The following KIF1A variants were observed in gnomAD, a reference collection of about 807,000 sequenced individuals.
KIF1A encodes the protein kinesin family member 1A.
In KIF1A, 46 loss-of-function variants were observed where a neutral mutation model predicts 227.3. That is an observed-to-expected ratio of 0.20 (90% CI 0.16 to 0.26). The LOEUF is 0.26. Ranked by LOEUF, KIF1A falls within the 10% of genes least tolerant of loss-of-function variation. The probability of loss-of-function intolerance (pLI) is 1.00; values close to 1 mark genes in which losing one functional copy is unlikely to be tolerated. For synonymous variants in KIF1A, 1,022 were observed against 1,012.8 expected (o/e 1.01, Z -0.17); for missense variants, 1,683 against 2,485.9 (o/e 0.68, Z 6.87).
chr2:240,783,237 G>T (rs921971761), intron 8 of KIF1A, 128 bp from the exon 9 acceptor site: 5 of 771,816 alleles, frequency 6.5e-6, no homozygotes, highest in South Asian at 4.3e-5. Flanking sequence ...TGATCTCTGG[G>T]GCCACTTGGG....
At position 240,760,670 on chromosome 2, in the gene KIF1A, C is replaced by A; in HGVS notation, c.2439G>T (p.Lys813Asn). The A allele has an allele frequency of 2.0e-6, 3 of 1,517,858 alleles. No individual in the cohort carries two copies. Among genetic ancestry groups the A allele is most frequent in the South Asian group, 2.6e-5 (2 of 76,124 alleles). The allele number at this position is 1,517,858 out of a possible 1,614,324, so 94.0% of individuals were successfully genotyped here. ...NGATHYWTLE[K>N]LRQRLDLMRE... ...CAGCGGCCCTCCAGCCCCACCTGAG[C>A]TTCTCCAGCGTCCAGTAGTGGGTGG... Residue 813 changes from lysine (K) to asparagine (N), a missense_variant, in exon 25 of 49, where the codon AAG (lysine) becomes AAT (asparagine). By Grantham distance (94) the Lys-to-Asn change is moderately conservative (BLOSUM62 0). Transcript: ENST00000498729.
Position 240,791,554 on chromosome 2 carries a change from G to T in KIF1A, c.107-2242C>A, listed in dbSNP as rs181274661. On this transcript the variant is annotated intron_variant, in intron 2 of 48. Coordinates refer to ENST00000498729, the MANE Select transcript of KIF1A (RefSeq NM_001244008.2). ...CCTCGCCTCACCCCGCTGCACTCAG[G>T]TCGGGCTCCCCGCACAGGCCTGGCC... Among the ~76,000 whole-genome samples, 52 of 149,108 alleles carry T rather than the reference G, an allele frequency of 3.5e-4. No individual in the cohort carries two copies. In the South Asian group the frequency reaches 6.4e-3, roughly 18 times the overall value.
intron 20 of KIF1A, 26 bp downstream of exon 20, chr2:240,765,684 C>T: frequency 1.3e-6 from 2 of 1,587,218 alleles, no homozygotes; most frequent in Non-Finnish European, 1.7e-6. Context: ...GCCTACCTGA[C>T]TGGCCCCCGG....
Position 240,752,919 on chromosome 2 carries a change from G to A in KIF1A, c.2859-2372C>T, listed in dbSNP as rs2049396401. 6.6e-6 allele frequency among the ~76,000 whole-genome samples: 1 copy of A among 152,186 alleles called. No individual in the cohort carries two copies. Among genetic ancestry groups the A allele is most frequent in the African/African-American group, 2.4e-5 (1 of 41,444 alleles). Reference sequence around the variant, plus strand: ...AATCCATTGGCGCAGCTCACAGGAAGGAGAGGCTAGAGCTGTCCAGGGCCA... The same window carrying A: ...AATCCATTGGCGCAGCTCACAGGAAAGAGAGGCTAGAGCTGTCCAGGGCCA... On this transcript the variant is annotated intron_variant, in intron 27 of 48. Transcript: ENST00000498729. The surrounding 1 kb of genome is among the most constrained non-coding windows in gnomAD (Gnocchi z 6.4).
Position 240,714,739 on chromosome 2 carries a change from G to A in KIF1A, c.*2625C>T, listed in dbSNP as rs1034747622. 6.6e-6 allele frequency: 1 copy of A among 152,160 alleles called. No individual in the cohort carries two copies. Among genetic ancestry groups the A allele is most frequent in the South Asian group, 2.1e-4 (1 of 4,824 alleles). 9.4% of individuals were successfully genotyped at this position (152,160 alleles called of 1,614,324 possible). A position where few individuals can be genotyped will look rare whatever the true frequency, so the allele number is the denominator to read the frequency against. ...AGAAGCCAGGTGTCCTGACTCAGGC[G>A]GCCTCCTCTCACCATCAACTCTGAG... On this transcript the variant is annotated 3_prime_UTR_variant, in exon 49 of 49. Transcript: ENST00000498729.
Position 240,719,138 on chromosome 2 carries a change from G to A in KIF1A, c.5082C>T (p.Ala1694=). The part of the protein sequence containing the change: ...HFLEPHTSGW[A]RRFVVVRRPY... ...GGCGCCGCACCACCACGAAGCGCCT[G>A]GCCCAGCCTGACGTGTGCGGCTCCA... Residue 1694 remains alanine (A), a synonymous_variant, in exon 47 of 49, where the codon GCC becomes GCT. Transcript: ENST00000498729. The A allele has an allele frequency of 6.2e-7, 1 of 1,612,518 alleles. No individual in the cohort carries two copies. Among genetic ancestry groups the A allele is most frequent in the Non-Finnish European group, 8.5e-7 (1 of 1,179,698 alleles).
At position 240,758,630 on chromosome 2, in the gene KIF1A, C is replaced by T. The variant is rs1204450120; in HGVS notation, c.2445-133G>A. 1.6e-5 allele frequency: 15 copies of T among 923,514 alleles called. No individual in the cohort carries two copies. Among genetic ancestry groups the T allele is most frequent in the Non-Finnish European group, 2.1e-5 (14 of 667,660 alleles). The allele number at this position is 923,514 out of a possible 1,614,324, so 57.2% of individuals were successfully genotyped here. On this transcript the variant is annotated intron_variant, in intron 25 of 48. Coordinates refer to ENST00000498729, the MANE Select transcript of KIF1A (RefSeq NM_001244008.2). The surrounding 1 kb of genome is among the most constrained non-coding windows in gnomAD (Gnocchi z 5.2). ...ACATCCAGCTCAGGGTCATCAAGGT[C>T]CAGGGGGCTTGCTAGACAGACCCCC... is the stretch of plus-strand genomic sequence containing the variant.
chr2:240,786,044 G>A (rs1226449128), intron 6 of KIF1A, among the ~76,000 whole-genome samples: 3 of 152,206 alleles, frequency 2.0e-5, no homozygotes, highest in South Asian at 2.1e-4. Flanking sequence ...CTGCCCCATC[G>A]AAGCAGCAGC....
At position 240,778,192 on chromosome 2, in the gene KIF1A, C is replaced by A. The variant is rs1003109498; in HGVS notation, c.883-2266G>T. Among the ~76,000 whole-genome samples, 1 of 152,118 alleles carries A rather than the reference C, an allele frequency of 6.6e-6. No individual in the cohort carries two copies. The highest frequency in any genetic ancestry group is 2.1e-4 in the South Asian group (1 of 4,822). ...GCGGACCCCACCCACGGGATGGCTG[C>A]CGGTCACACCATTCATCAAGTTTCC... On this transcript the variant is annotated intron_variant, in intron 10 of 48. Coordinates refer to ENST00000498729, the MANE Select transcript of KIF1A (RefSeq NM_001244008.2). This position sits in a 1 kb window ranked among gnomAD's most constrained non-coding sequence, Gnocchi z 7.2.
intron 2 of KIF1A, among the ~76,000 whole-genome samples, chr2:240,795,574 G>A (rs2056274523): frequency 6.6e-6 from 1 of 152,200 alleles, no homozygotes; most frequent in Non-Finnish European, 1.5e-5. Context: ...CCTTTCACCA[G>A]CTGGGCAGTG....
chr2:240,784,959 G>T (rs375981704), intron 7 of KIF1A, 30 bp downstream of exon 7: 1,347 of 1,574,148 alleles, frequency 8.6e-4, no homozygotes, highest in Non-Finnish European at 1.1e-3. Flanking sequence ...ACTGCCCTTG[G>T]TGGCACCGCC....
At chr2:240,743,308 G>A (rs1030721850) in intron 33 of KIF1A, among the ~76,000 whole-genome samples, 4 of 152,182 alleles carry the variant, frequency 2.6e-5, no homozygotes, top group Non-Finnish European at 5.9e-5. Context: ...GAGGGCCCCT[G>A]AGCTCCCAGT....
At chr2:240,722,047 G>A (rs533987220) in intron 43 of KIF1A, among the ~76,000 whole-genome samples, 163 bp from the exon 44 acceptor site, 27 of 152,314 alleles carry the variant, frequency 1.8e-4, no homozygotes, top group African/African-American at 5.3e-4. Context: ...CCAGGTCATC[G>A]GGTGAGCCCA....
intron 1 of KIF1A, among the ~76,000 whole-genome samples, chr2:240,809,252 G>A (rs895731144): frequency 6.6e-6 from 1 of 152,168 alleles, no homozygotes; most frequent in African/African-American, 2.4e-5. Context: ...ATATGGTAGA[G>A]TAAGATGTTA....
At chr2:240,804,532 G>A (rs568101038) in intron 1 of KIF1A, among the ~76,000 whole-genome samples, 1 of 152,162 alleles carries the variant, frequency 6.6e-6, no homozygotes, top group Non-Finnish European at 1.5e-5. Context: ...CACCTGCTGT[G>A]GGGGGAATGG....
Position 240,788,167 on chromosome 2 carries a change from G to T in KIF1A, c.247C>A (p.Gln83Lys). The change falls in exon 4 of 49, where the codon CAG becomes AAG. Residue 83 changes from glutamine (Q) to lysine (K), a missense_variant. This residue lies in a region of KIF1A where 71 missense variants were observed against 129.1 expected (regional missense o/e 0.55). Transcript: ENST00000498729. The surrounding 1 kb of genome is among the most constrained non-coding windows in gnomAD (Gnocchi z 6.6). ...VYRDIGEEMLQHAFEGYNVCI... is the reference protein window; with the variant it reads ...VYRDIGEEMLKHAFEGYNVCI... ...ACGTTGTATCCCTCAAAGGCATGCT[G>T]CAGCATCTCCTCGCCGATGTCCCGG... 1 of 1,613,738 alleles carries T rather than the reference G, an allele frequency of 6.2e-7. No individual in the cohort carries two copies. Among genetic ancestry groups the T allele is most frequent in the Non-Finnish European group, 8.5e-7 (1 of 1,179,808 alleles).
chr2:240,766,826 G>C lies in KIF1A; in HGVS notation c.1684+89C>G. ...TATGACTCGCGACCCACTTAGTGCTGGGTAAGCTGGGAGAGGGTGACCTCA... is the reference window on the plus strand; with the variant it reads ...TATGACTCGCGACCCACTTAGTGCTCGGTAAGCTGGGAGAGGGTGACCTCA... On this transcript the variant is annotated intron_variant, in intron 19 of 48. Coordinates refer to ENST00000498729, the MANE Select transcript of KIF1A (RefSeq NM_001244008.2). This position sits in a 1 kb window ranked among gnomAD's most constrained non-coding sequence, Gnocchi z 5.0. 2 of 810,042 alleles carry C rather than the reference G, an allele frequency of 2.5e-6. No individual in the cohort carries two copies. Among genetic ancestry groups the C allele is most frequent in the South Asian group, 3.3e-5 (2 of 61,536 alleles). 50.2% of individuals were successfully genotyped at this position (810,042 alleles called of 1,614,324 possible). A position where few individuals can be genotyped will look rare whatever the true frequency, so the allele number is the denominator to read the frequency against.
At chr2:240,773,322 G>A in intron 12 of KIF1A, 66 bp from the exon 13 acceptor site, 2 of 1,592,304 alleles carry the variant, frequency 1.3e-6, no homozygotes, top group Admixed American at 1.7e-5. Flanking sequence ...TCCCAAGGGT[G>A]CCTAGAGCCC....
Position 240,800,105 on chromosome 2 carries a change from G to C in KIF1A, c.-60-2293C>G, listed in dbSNP as rs1487427629. Among the ~76,000 whole-genome samples, 6 of 143,062 alleles carry C rather than the reference G, an allele frequency of 4.2e-5. No individual in the cohort carries two copies. The South Asian group carries it at 9.3e-4, about 22-fold the overall frequency. 93.9% of individuals were successfully genotyped at this position (143,062 alleles called of 152,430 possible). A position where few individuals can be genotyped will look rare whatever the true frequency, so the allele number is the denominator to read the frequency against. On this transcript the variant is annotated intron_variant, in intron 1 of 48. Transcript: ENST00000498729. ...GAACAGACTAAGCATGTCCAAAGCA[G>C]ACACACACACACACACACACACACA...
Sources: gnomAD v4.1 joint callset for allele counts (sites outside exome capture counted in the v4.1 genomes callset) on GRCh38, gnomAD v4.1.1 for gene constraint, gnomAD v4.1.1 regional missense constraint, Gnocchi (gnomAD v3.1) non-coding constraint, MANE v1.5 for transcripts, NCBI Gene and HGNC (gene_info 2026-07-23, HGNC 2026-07-21) for gene names.